GABRG1: variants seen among roughly 807,000 people sequenced by gnomAD.
The protein encoded by GABRG1 is gamma-aminobutyric acid receptor subunit gamma-1.
A neutral mutation model predicts 49.8 loss-of-function variants in GABRG1; 49 were observed. The observed-to-expected ratio is 0.98, with a 90% CI of 0.78 to 1.25. The LOEUF is 1.25. Among genes scored for constraint, GABRG1 ranks in the 50% most tolerant of loss-of-function variants. The pLI is 0.00. For synonymous variants in GABRG1, 232 were observed against 185.1 expected (o/e 1.25, Z -2.06); for missense variants, 552 against 552.3 (o/e 1.00, Z 0.01).
intron 3 of GABRG1, among the ~76,000 whole-genome samples, chr4:46,081,864 C>T (rs1382070935): frequency 1.3e-5 from 2 of 151,772 alleles, no homozygotes; most frequent in Admixed American, 6.6e-5. Context: ...CAGGGATGCA[C>T]AGGCACAGAG....
At chr4:46,061,874 A>ATTT (rs71193840) in intron 5 of GABRG1, among the ~76,000 whole-genome samples, 1 of 141,572 alleles carries the variant, frequency 7.1e-6, no homozygotes, top group South Asian at 2.2e-4. Flanking sequence ...TGTTTATTTT[A>ATTT]TTTTTTTTAT....
At chr4:46,081,499 A>C (rs904215980) in intron 3 of GABRG1, among the ~76,000 whole-genome samples, 3 of 151,862 alleles carry the variant, frequency 2.0e-5, no homozygotes, top group African/African-American at 7.2e-5. Context: ...TAGGAGAAAA[A>C]CTGAGTGTGA....
chr4:46,092,310 A>G (rs2109428388), intron 2 of GABRG1, among the ~76,000 whole-genome samples: 1 of 152,146 alleles, frequency 6.6e-6, no homozygotes. Flanking sequence ...AATAAAACAT[A>G]TGGACATAAT....
intron 1 of GABRG1, among the ~76,000 whole-genome samples, chr4:46,111,345 G>A (rs1720707031): frequency 6.6e-6 from 1 of 150,974 alleles, no homozygotes. Flanking sequence ...ATTCAAAGGT[G>A]ACTCAAAGAA....
In GABRG1 at chr4:46,064,612, C is replaced by T. The variant is rs186328378; in HGVS notation, c.543-89G>A. The T allele has an allele frequency of 1.8e-4, 111 of 601,386 alleles. No homozygotes were observed. In the Admixed American group the frequency reaches 2.0e-3, roughly 11 times the overall value. The allele number at this position is 601,386 out of a possible 1,614,324, so 37.3% of individuals were successfully genotyped here. On this transcript the variant is annotated intron_variant, in intron 4 of 8. Coordinates refer to ENST00000295452, the MANE Select transcript of GABRG1 (RefSeq NM_173536.4). ...GTCTCATTTTAAAACAAGATTTTGT[C>T]ATATGATAATAGATTGTGACCTATT...
At chr4:46,083,194 A>C (rs1203270398) in intron 3 of GABRG1, among the ~76,000 whole-genome samples, 1 of 151,614 alleles carries the variant, frequency 6.6e-6, no homozygotes, top group Non-Finnish European at 1.5e-5. Flanking sequence ...ATTCTCAAAA[A>C]ATTACCTATT....
chr4:46,103,962 T>C (rs1453256844), intron 1 of GABRG1, among the ~76,000 whole-genome samples: 1 of 151,390 alleles, frequency 6.6e-6, no homozygotes, highest in Non-Finnish European at 1.5e-5. Flanking sequence ...CAAAGTTCTA[T>C]ATACGTTACA....
intron 3 of GABRG1, among the ~76,000 whole-genome samples, chr4:46,077,267 T>A (rs1719385520): frequency 6.6e-6 from 1 of 151,758 alleles, no homozygotes; most frequent in Admixed American, 6.6e-5. Flanking sequence ...AACCTGCACG[T>A]TGTGCACATG....
chr4:46,101,225 C>G (rs1018920477), intron 1 of GABRG1, among the ~76,000 whole-genome samples: 3 of 151,040 alleles, frequency 2.0e-5, no homozygotes, highest in Non-Finnish European at 4.4e-5. Context: ...CCAGGACACA[C>G]AGCTATTAAA....
chr4:46,056,482 C>T (rs1222331659), intron 7 of GABRG1, among the ~76,000 whole-genome samples: 1 of 151,942 alleles, frequency 6.6e-6, no homozygotes, highest in Non-Finnish European at 1.5e-5. Flanking sequence ...TGAGACTCCA[C>T]AATATAAAAT....
chr4:46,047,368 A>T (rs538966053), intron 8 of GABRG1, among the ~76,000 whole-genome samples: 34 of 152,202 alleles, frequency 2.2e-4, no homozygotes, highest in Middle Eastern at 6.8e-3. Context: ...TTCTTCAAAA[A>T]ATTACTTCAG....
At chr4:46,051,298 C>G in intron 8 of GABRG1, 126 bp downstream of exon 8, 1 of 696,672 alleles carries the variant, frequency 1.4e-6, no homozygotes, top group Non-Finnish European at 2.3e-6. Flanking sequence ...CCAGTTTCAT[C>G]TTAACTTTGT....
At position 46,039,804 on chromosome 4, in the gene GABRG1, C is replaced by G. The variant is rs2109389352; in HGVS notation, c.*1184G>C. The G allele has an allele frequency of 6.6e-6, 1 of 151,634 alleles. No homozygotes were observed. Among genetic ancestry groups the G allele is most frequent in the Middle Eastern group, 3.4e-3 (1 of 294 alleles). 9.4% of individuals were successfully genotyped at this position (151,634 alleles called of 1,614,324 possible). ...ACATTCATGTTCATTAAAGATGCCT[C>G]TAACAAAACTCCCTCTTTAACATGA... On this transcript the variant is annotated 3_prime_UTR_variant, in exon 9 of 9. Coordinates refer to ENST00000295452, the MANE Select transcript of GABRG1 (RefSeq NM_173536.4).
At chr4:46,045,178 A>G (rs1337077146) in intron 8 of GABRG1, among the ~76,000 whole-genome samples, 1 of 152,104 alleles carries the variant, frequency 6.6e-6, no homozygotes, top group African/African-American at 2.4e-5. Flanking sequence ...GAGAAAATAA[A>G]TCTAGTTAGT....
At chr4:46,047,134 A>T (rs1238540269) in intron 8 of GABRG1, among the ~76,000 whole-genome samples, 2 of 152,118 alleles carry the variant, frequency 1.3e-5, no homozygotes, top group Non-Finnish European at 2.9e-5. Flanking sequence ...AGCACTTGAA[A>T]TGCGACTAGC....
intron 3 of GABRG1, among the ~76,000 whole-genome samples, chr4:46,080,187 G>A (rs1719511648): frequency 6.6e-6 from 1 of 151,554 alleles, no homozygotes; most frequent in Non-Finnish European, 1.5e-5. Context: ...ACAAATTTTG[G>A]CTAACTTAAA....
chr4:46,102,563 C>A (rs992092831), intron 1 of GABRG1, among the ~76,000 whole-genome samples: 1 of 151,630 alleles, frequency 6.6e-6, no homozygotes, highest in Non-Finnish European at 1.5e-5. Context: ...TTCTCTCTTA[C>A]AAGTCTAAGG....
chr4:46,116,264 G>A (rs1477832186), intron 1 of GABRG1, among the ~76,000 whole-genome samples: 1 of 150,700 alleles, frequency 6.6e-6, no homozygotes, highest in African/African-American at 2.4e-5. Flanking sequence ...GAAAGAAAAT[G>A]TAATTTTTAT....
chr4:46,069,342 T>C (rs939270905), intron 3 of GABRG1, among the ~76,000 whole-genome samples: 1 of 152,056 alleles, frequency 6.6e-6, no homozygotes, highest in African/African-American at 2.4e-5. Context: ...AATGGAGCTA[T>C]AGACATGTAG....
Sources: gnomAD v4.1 joint callset for allele counts (sites outside exome capture counted in the v4.1 genomes callset) on GRCh38, gnomAD v4.1.1 for gene constraint, MANE v1.5 for transcripts, NCBI Gene and HGNC (gene_info 2026-07-23, HGNC 2026-07-21) for gene names.